ZSWIM5: variants seen among roughly 807,000 people sequenced by gnomAD.
ZSWIM5 encodes the protein zinc finger SWIM-type containing 5, also known as zinc finger SWIM domain-containing protein 5.
In ZSWIM5, 55 loss-of-function variants were observed where a neutral mutation model predicts 119.6. The ratio of observed to expected loss-of-function variants is 0.46; its 90% CI spans 0.37 to 0.58. ZSWIM5 has a LOEUF of 0.58. ZSWIM5 is among the 20% of genes least tolerant of loss of function. The probability of loss-of-function intolerance (pLI) is 0.00; values close to 1 mark genes in which losing one functional copy is unlikely to be tolerated. For missense variants in ZSWIM5, 1,193 were observed against 1,512.8 expected (o/e 0.79, Z 3.51); for synonymous variants, 537 against 606.9 (o/e 0.88, Z 1.69).
intron 1 of ZSWIM5, among the ~76,000 whole-genome samples, chr1:45,129,303 C>T (rs866408535): frequency 4.0e-5 from 6 of 151,826 alleles, no homozygotes; most frequent in South Asian, 2.1e-4. Context: ...GGACTACAGG[C>T]GCCCGCCACC....
intron 2 of ZSWIM5, among the ~76,000 whole-genome samples, chr1:45,075,410 C>T (rs1332418730): frequency 6.6e-6 from 1 of 152,100 alleles, no homozygotes; most frequent in Non-Finnish European, 1.5e-5. Flanking sequence ...TATGTATTTA[C>T]AATTGTTATA....
chr1:45,182,317 T>C (rs1646025353), intron 1 of ZSWIM5, among the ~76,000 whole-genome samples: 1 of 151,104 alleles, frequency 6.6e-6, no homozygotes, highest in African/African-American at 2.5e-5. Context: ...GGCAGGAGAA[T>C]GGCGTGAACC....
At chr1:45,033,098 T>G (rs942156270) in intron 11 of ZSWIM5, among the ~76,000 whole-genome samples, 4 of 152,148 alleles carry the variant, frequency 2.6e-5, no homozygotes, top group African/African-American at 9.7e-5. Context: ...ACTCCCCACT[T>G]GACACTCCTC....
chr1:45,048,939 G>A (rs547103573), intron 5 of ZSWIM5, among the ~76,000 whole-genome samples: 4 of 152,234 alleles, frequency 2.6e-5, no homozygotes, highest in South Asian at 4.1e-4. Context: ...TGGGCAACAT[G>A]ACGAAACCCT....
intron 1 of ZSWIM5, among the ~76,000 whole-genome samples, chr1:45,090,002 A>G (rs1645354998): frequency 6.6e-6 from 1 of 152,228 alleles, no homozygotes; most frequent in Non-Finnish European, 1.5e-5. Flanking sequence ...AAATAATCTT[A>G]TATCTGTTGG....
At chr1:45,107,898 G>A (rs1177480378) in intron 1 of ZSWIM5, among the ~76,000 whole-genome samples, 1 of 152,090 alleles carries the variant, frequency 6.6e-6, no homozygotes, top group East Asian at 1.9e-4. Context: ...CTTGGCTTAA[G>A]CGATCCTCCC....
Position 45,205,893 on chromosome 1 carries a change from G to A in ZSWIM5, c.458C>T (p.Pro153Leu). ...GGATGCCCCAGCCGCGACGCCCCCG[G>A]GGGCGGAGCCGGCCGGAGCGGCGGC... ...PGAAAPAGSA[P>L]GGVAAGASPG... Residue 153 changes from proline (P) to leucine (L), a missense_variant, in exon 1 of 14, where the codon CCC becomes CTC. By Grantham distance (98) the Pro-to-Leu change is moderately conservative (BLOSUM62 -3). This residue lies in a region of ZSWIM5 where 232 missense variants were observed against 222.9 expected (regional missense o/e 1.04). Coordinates refer to ENST00000359600, the MANE Select transcript of ZSWIM5 (RefSeq NM_020883.2). 1 of 1,074,596 alleles carries A rather than the reference G, an allele frequency of 9.3e-7. No individual in the cohort carries two copies. The highest frequency in any genetic ancestry group is 1.1e-6 in the Non-Finnish European group (1 of 891,964). The allele number at this position is 1,074,596 out of a possible 1,614,324, so 66.6% of individuals were successfully genotyped here. A position where few individuals can be genotyped will look rare whatever the true frequency, so the allele number is the denominator to read the frequency against.
chr1:45,095,648 A>C (rs1187118746), intron 1 of ZSWIM5, among the ~76,000 whole-genome samples: 1 of 152,208 alleles, frequency 6.6e-6, no homozygotes, highest in East Asian at 1.9e-4. Flanking sequence ...GCATCACATC[A>C]GGAGACATAT....
At chr1:45,167,881 A>G (rs1247678944) in intron 1 of ZSWIM5, among the ~76,000 whole-genome samples, 2 of 152,142 alleles carry the variant, frequency 1.3e-5, no homozygotes, top group Non-Finnish European at 2.9e-5. Context: ...TGGTGGGACT[A>G]TAAACTAGTT....
Position 45,088,063 on chromosome 1 carries a change from C to T in ZSWIM5, c.770G>A (p.Arg257His), listed in dbSNP as rs200296228. 270 of 1,614,046 alleles carry T rather than the reference C, an allele frequency of 1.7e-4. No homozygotes were observed. The highest frequency in any genetic ancestry group is 2.7e-4 in the Admixed American group (16 of 60,000). The change falls in exon 2 of 14, where the codon CGT (arginine) becomes CAT (histidine). Residue 257 changes from arginine to histidine, a missense_variant. Transcript: ENST00000359600. This position sits in a 1 kb window ranked among gnomAD's most constrained non-coding sequence, Gnocchi z 4.2. ...ACGCAATTTGACTTGGTCTGGTTTA[C>T]GGATCCTGTAGAGTGAGAGTGCTAC... is the stretch of plus-strand genomic sequence containing the variant. ...HVVALSLYRI[R>H]KPDQVKLRLP...
chr1:45,182,013 G>A (rs895954154), intron 1 of ZSWIM5, among the ~76,000 whole-genome samples: 10 of 152,074 alleles, frequency 6.6e-5, no homozygotes, highest in African/African-American at 2.4e-4. Flanking sequence ...CTAGGAAGAA[G>A]CTGCATCAAC....
Position 45,018,463 on chromosome 1 carries a change from G to A in ZSWIM5, c.3549C>T (p.Arg1183=). 1.2e-6 allele frequency: 2 copies of A among 1,613,492 alleles called. No homozygotes were observed. The highest frequency in any genetic ancestry group is 1.7e-6 in the Non-Finnish European group (2 of 1,179,574). Reference sequence around the variant, plus strand: ...TGAGCTATCTGCTCTCTCAGCCAAAGCGCTCTCGCACCAGCAGCATCAACT... The same window carrying A: ...TGAGCTATCTGCTCTCTCAGCCAAAACGCTCTCGCACCAGCAGCATCAACT... ...KKKLMLLVRE[R]FG is the part of the protein sequence containing the mutation. Residue 1183 remains arginine, a synonymous_variant, in exon 14 of 14, where the codon CGC becomes CGT. Transcript: ENST00000359600. This position sits in a 1 kb window ranked among gnomAD's most constrained non-coding sequence, Gnocchi z 6.7.
intron 2 of ZSWIM5, among the ~76,000 whole-genome samples, chr1:45,061,990 T>G (rs965517487): frequency 6.6e-6 from 1 of 151,976 alleles, no homozygotes; most frequent in Non-Finnish European, 1.5e-5. Flanking sequence ...CCTGGGAGAC[T>G]GAGGCACGAG....
intron 1 of ZSWIM5, among the ~76,000 whole-genome samples, chr1:45,187,561 A>T (rs1325977268): frequency 2.0e-5 from 3 of 152,144 alleles, no homozygotes; most frequent in African/African-American, 4.8e-5. Context: ...TATCAAAAGA[A>T]AGAAAGAAAG....
chr1:45,100,474 C>T (rs1220489105), intron 1 of ZSWIM5, among the ~76,000 whole-genome samples: 3 of 152,104 alleles, frequency 2.0e-5, no homozygotes, highest in Non-Finnish European at 4.4e-5. Context: ...GCCATACTGC[C>T]CAAAGTAATT....
intron 8 of ZSWIM5, 47 bp from the exon 9 acceptor site, chr1:45,036,346 T>C: frequency 2.0e-6 from 3 of 1,508,522 alleles, no homozygotes; most frequent in Non-Finnish European, 2.6e-6. Context: ...CTTGGTAGAG[T>C]CTTCTTTCTT....
intron 2 of ZSWIM5, chr1:45,070,393 C>T (rs535163437): frequency 9.1e-6 from 13 of 1,424,790 alleles, no homozygotes; most frequent in African/African-American, 4.2e-5. Flanking sequence ...TTAGGACATT[C>T]GAGCACAAAG....
Position 45,040,557 on chromosome 1 carries a change from A to G in ZSWIM5, c.1610-19T>C. On this transcript the variant is annotated intron_variant, in intron 6 of 13. Coordinates refer to ENST00000359600, the MANE Select transcript of ZSWIM5 (RefSeq NM_020883.2). ...ACATGCTCTACCAAGTAAGAAGAAGATATTTTGGTCTAGTTAAAATTTCAA... is the reference window on the plus strand; with the variant it reads ...ACATGCTCTACCAAGTAAGAAGAAGGTATTTTGGTCTAGTTAAAATTTCAA... 1.3e-6 allele frequency: 2 copies of G among 1,566,784 alleles called. No individual in the cohort carries two copies. The highest frequency in any genetic ancestry group is 2.0e-5 in the Admixed American group (1 of 49,612).
At chr1:45,125,501 A>C (rs775271859) in intron 1 of ZSWIM5, among the ~76,000 whole-genome samples, 33 of 152,250 alleles carry the variant, frequency 2.2e-4, no homozygotes, top group African/African-American at 4.3e-4. Flanking sequence ...ACAAAAAAAA[A>C]CAAAAGGCCA....
Sources: gnomAD v4.1 joint callset for allele counts (sites outside exome capture counted in the v4.1 genomes callset) on GRCh38, gnomAD v4.1.1 for gene constraint, gnomAD v4.1.1 regional missense constraint, Gnocchi (gnomAD v3.1) non-coding constraint, MANE v1.5 for transcripts, NCBI Gene and HGNC (gene_info 2026-07-23, HGNC 2026-07-21) for gene names.